Variants in FOXP2 observed in about 807,000 individuals in gnomAD.
The protein encoded by FOXP2 is forkhead box protein P2.
In FOXP2, 12 loss-of-function variants were observed where a neutral mutation model predicts 115.8. That is an observed-to-expected ratio of 0.10 (90% CI 0.07 to 0.17). The LOEUF is 0.17. FOXP2 is among the 10% of genes least tolerant of loss of function. The pLI is 1.00. For synonymous variants in FOXP2, 328 were observed against 297.7 expected, an observed-to-expected ratio of 1.10 and a Z score of -1.05; for missense variants, 629 against 843.5, an observed-to-expected ratio of 0.75 and a Z score of 3.15.
Position 114,691,566 on chromosome 7 carries a change from A to G in FOXP2, c.*1640A>G. ...AAACTATGATAATGAGTTATGATGT[A>G]GTTGAAAATAGCATAGTCAGATGTT... On this transcript the variant is annotated 3_prime_UTR_variant, in exon 17 of 17. Coordinates refer to ENST00000350908, the MANE Select transcript of FOXP2 (RefSeq NM_014491.4). 2.2e-6 allele frequency: 1 copy of G among 454,012 alleles called. No individual in the cohort carries two copies. The highest frequency in any genetic ancestry group is 7.0e-5 in the East Asian group (1 of 14,386). 28.1% of individuals were successfully genotyped at this position (454,012 alleles called of 1,614,324 possible). A position where few individuals can be genotyped will look rare whatever the true frequency, so the allele number is the denominator to read the frequency against.
intron 13 of FOXP2, chr7:114,661,850 T>C (rs1806881370): frequency 3.8e-6 from 2 of 526,164 alleles, no homozygotes; most frequent in Non-Finnish European, 6.7e-6. Flanking sequence ...ATTATTAAAA[T>C]AGCTTGGAAG....
chr7:114,492,327 G>A (rs184254956), intron 2 of FOXP2, among the ~76,000 whole-genome samples: 149 of 151,874 alleles, frequency 9.8e-4, no homozygotes, highest in East Asian at 1.9e-3. Context: ...TCTCGCTAGC[G>A]GTCTATCAAT....
At position 114,215,145 on chromosome 7, in the gene FOXP2, C is replaced by T. The variant is rs75574301; in HGVS notation, c.-102+52057C>T. Among the ~76,000 whole-genome samples, 7 of 152,010 alleles carry T rather than the reference C, an allele frequency of 4.6e-5. No individual in the cohort carries two copies. The East Asian group carries it at 1.2e-3, about 25-fold the overall frequency. On this transcript the variant is annotated intron_variant, in intron 1 of 17. Transcript: ENST00000634411. ...GAATCCTTAATAATTAATTATATTA[C>T]AAGAAAATCAGTGATACTTTTGATA...
intron 6 of FOXP2, among the ~76,000 whole-genome samples, chr7:114,639,661 G>T (rs1306997783): frequency 6.6e-6 from 1 of 152,154 alleles, no homozygotes; most frequent in Non-Finnish European, 1.5e-5. Context: ...AGGAAGCCAA[G>T]AACAGGTTGT....
chr7:114,664,737 A>G (rs535279825), intron 16 of FOXP2: 35 of 396,580 alleles, frequency 8.8e-5, no homozygotes, highest in South Asian at 7.9e-4. Flanking sequence ...ATGGGTCATT[A>G]TCACAGGTTG....
intron 2 of FOXP2, among the ~76,000 whole-genome samples, chr7:114,475,073 C>T (rs551072889): frequency 2.6e-5 from 4 of 152,054 alleles, no homozygotes; most frequent in South Asian, 4.1e-4. Flanking sequence ...AGCATGCATC[C>T]GTCTATCCAT....
intron 2 of FOXP2, among the ~76,000 whole-genome samples, chr7:114,454,874 TGGGGGGA>T (rs1186132123): frequency 1.2e-5 from 1 of 80,030 alleles, no homozygotes; most frequent in Non-Finnish European, 2.5e-5. Context: ...TGTGGTGGGG[TGGGGGGA>T]GGGGGGAGGG....
chr7:114,281,993 A>C (rs911451280), intron 1 of FOXP2, among the ~76,000 whole-genome samples: 3 of 152,156 alleles, frequency 2.0e-5, no homozygotes, highest in Admixed American at 1.3e-4. Flanking sequence ...CTGTACAGAT[A>C]ATGCTTACAT....
chr7:114,611,599 C>G (rs1371656893), intron 3 of FOXP2, among the ~76,000 whole-genome samples: 1 of 152,150 alleles, frequency 6.6e-6, no homozygotes, highest in Non-Finnish European at 1.5e-5. Flanking sequence ...CCTAGCTCTA[C>G]TTTGAATACA....
At chr7:114,598,941 A>T (rs1230423230) in intron 3 of FOXP2, among the ~76,000 whole-genome samples, 1 of 152,180 alleles carries the variant, frequency 6.6e-6, no homozygotes, top group African/African-American at 2.4e-5. Context: ...CTTTGGATTA[A>T]GCAACACTGC....
At chr7:114,442,242 A>G (rs1390211753) in intron 2 of FOXP2, among the ~76,000 whole-genome samples, 4 of 152,126 alleles carry the variant, frequency 2.6e-5, no homozygotes, top group African/African-American at 9.7e-5. Flanking sequence ...TTATAATTCT[A>G]TTTGTATGAA....
chr7:114,231,909 CAA>C lies in FOXP2; in HGVS notation c.-101-56109_-101-56108del, dbSNP rs149972794. ...AAAAGTTTCAGTGCAGCAAAAGAAA[CAA>C]GAGTGCAAAGGCAGCCTACAGAGTG... is the stretch of plus-strand genomic sequence containing the variant. On this transcript the variant is annotated intron_variant, in intron 1 of 17. Coordinates refer to the FOXP2 transcript ENST00000634411. Among the ~76,000 whole-genome samples, 192 of 152,144 alleles carry C rather than the reference CAA, an allele frequency of 1.3e-3. 1 individual carries two copies. The highest frequency in any genetic ancestry group is 4.5e-3 in the African/African-American group (185 of 41,532).
chr7:114,357,366 G>A (rs1791641765), intron 2 of FOXP2, among the ~76,000 whole-genome samples: 1 of 152,138 alleles, frequency 6.6e-6, no homozygotes, highest in Non-Finnish European at 1.5e-5. Flanking sequence ...GAGACGTATT[G>A]ATTCAGCCAT....
intron 1 of FOXP2, among the ~76,000 whole-genome samples, chr7:114,268,700 CTG>C (rs61371412): frequency 0.28 from 42,067 of 147,718 alleles, 5,944 homozygotes; most frequent in East Asian, 0.38. Flanking sequence ...ATACTCCCCA[CTG>C]TGTGTGTGTG....
chr7:114,259,779 T>C (rs1039929407), intron 1 of FOXP2, among the ~76,000 whole-genome samples: 4 of 152,166 alleles, frequency 2.6e-5, no homozygotes, highest in Non-Finnish European at 4.4e-5. Context: ...GGCAATAAAT[T>C]CTAAATTATC....
intron 2 of FOXP2, among the ~76,000 whole-genome samples, chr7:114,430,271 A>G (rs1234531053): frequency 1.3e-5 from 2 of 151,812 alleles, no homozygotes. Flanking sequence ...ATGAATTTAC[A>G]AAGTATAATG....
intron 3 of FOXP2, among the ~76,000 whole-genome samples, chr7:114,592,911 G>A (rs1389552208): frequency 2.0e-5 from 3 of 151,818 alleles, no homozygotes; most frequent in Non-Finnish European, 2.9e-5. Context: ...TTTGTGAGTC[G>A]AATGATAAAA....
At chr7:114,636,716 CATCTT>C (rs1805241135) in intron 6 of FOXP2, among the ~76,000 whole-genome samples, 1 of 150,234 alleles carries the variant, frequency 6.7e-6, no homozygotes, top group Non-Finnish European at 1.5e-5. Flanking sequence ...AAGTAAAAAT[CATCTT>C]AGCAGCATTT....
At chr7:114,299,225 A>G (rs1318665904) in intron 2 of FOXP2, among the ~76,000 whole-genome samples, 2 of 152,136 alleles carry the variant, frequency 1.3e-5, no homozygotes, top group East Asian at 3.8e-4. Flanking sequence ...TATTTACCCC[A>G]AGCAATAGGT....
Sources: allele counts gnomAD v4.1 joint callset (sites outside exome capture counted in the v4.1 genomes callset), GRCh38; gene constraint gnomAD v4.1.1; transcripts MANE v1.5; gene names NCBI Gene and HGNC (gene_info 2026-07-23, HGNC 2026-07-21).